WWOX: variants seen among roughly 807,000 people sequenced by gnomAD.
The protein encoded by WWOX is WW domain containing oxidoreductase.
WWOX carries 69 observed loss-of-function variants against 46.2 expected under a neutral mutation model. The observed-to-expected ratio is 1.49, with a 90% CI of 1.23 to 1.82. WWOX has a LOEUF of 1.82. WWOX is among the 40% of genes most tolerant of loss of function. The pLI is 0.00. For missense variants in WWOX, 919 were observed against 542.6 expected (o/e 1.69, Z -6.89); for synonymous variants, 359 against 202.6 (o/e 1.77, Z -6.56).
intron 8 of WWOX, among the ~76,000 whole-genome samples, chr16:78,934,500 C>G (rs1208917878): frequency 7.7e-6 from 1 of 130,600 alleles, no homozygotes; most frequent in Admixed American, 7.6e-5. Flanking sequence ...CAGTGCGAAA[C>G]CCTGTATCAA....
chr16:79,081,153 G>A (rs972145312), intron 8 of WWOX, among the ~76,000 whole-genome samples: 1 of 152,094 alleles, frequency 6.6e-6, no homozygotes, highest in Non-Finnish European at 1.5e-5. Context: ...GGAGTGTGGG[G>A]TGCTGAGAGA....
chr16:78,549,176 G>A (rs1332156309), intron 8 of WWOX, among the ~76,000 whole-genome samples: 1 of 152,164 alleles, frequency 6.6e-6, no homozygotes, highest in Non-Finnish European at 1.5e-5. Flanking sequence ...CGGTCGTAAA[G>A]GAGGGACAAT....
chr16:78,408,923 A>G (rs1416840725), intron 6 of WWOX, among the ~76,000 whole-genome samples: 1 of 149,068 alleles, frequency 6.7e-6, no homozygotes, highest in African/African-American at 2.6e-5. Context: ...AACAGAAAGT[A>G]CTGTGATTTA....
chr16:78,824,986 G>A (rs1366410548), intron 8 of WWOX, among the ~76,000 whole-genome samples: 5 of 152,140 alleles, frequency 3.3e-5, no homozygotes, highest in Admixed American at 2.0e-4. Flanking sequence ...GAAAATGGCA[G>A]CGTTATAGCC....
intron 4 of WWOX, among the ~76,000 whole-genome samples, chr16:78,154,789 C>T (rs1203637118): frequency 6.6e-6 from 1 of 152,148 alleles, no homozygotes; most frequent in Non-Finnish European, 1.5e-5. Flanking sequence ...AATAAAATCT[C>T]AACCAGATCA....
intron 8 of WWOX, among the ~76,000 whole-genome samples, chr16:78,676,649 T>C (rs2047606971): frequency 6.6e-6 from 1 of 152,170 alleles, no homozygotes; most frequent in Non-Finnish European, 1.5e-5. Context: ...TTCTGCATAT[T>C]TGCATATTAA....
At chr16:79,196,064 G>A (rs975565986) in intron 8 of WWOX, among the ~76,000 whole-genome samples, 1 of 152,182 alleles carries the variant, frequency 6.6e-6, no homozygotes, top group Non-Finnish European at 1.5e-5. Flanking sequence ...CTGTTTGCAT[G>A]TTCATTTGAG....
At chr16:78,400,674 G>T (rs896749808) in intron 6 of WWOX, among the ~76,000 whole-genome samples, 2 of 152,188 alleles carry the variant, frequency 1.3e-5, no homozygotes, top group African/African-American at 4.8e-5. Context: ...AGGGAACAGG[G>T]AAGGGAGGAC....
intron 8 of WWOX, among the ~76,000 whole-genome samples, chr16:78,758,937 CAAA>C (rs56184923): frequency 1.1e-5 from 1 of 90,154 alleles, no homozygotes; most frequent in Non-Finnish European, 2.6e-5. Context: ...CCACAAAAGA[CAAA>C]AAAAAAAAAA....
At chr16:78,678,908 A>G (rs2047665041) in intron 8 of WWOX, among the ~76,000 whole-genome samples, 1 of 152,172 alleles carries the variant, frequency 6.6e-6, no homozygotes, top group South Asian at 2.1e-4. Context: ...CCACCTACCC[A>G]GGCTGGCACC....
chr16:78,347,207 C>T (rs2081108206), intron 5 of WWOX, among the ~76,000 whole-genome samples: 1 of 116,698 alleles, frequency 8.6e-6, no homozygotes, highest in Non-Finnish European at 2.0e-5. Flanking sequence ...TCCCCCGCCC[C>T]CTCCATTCTC....
chr16:79,000,143 C>A (rs1159135962), intron 8 of WWOX, among the ~76,000 whole-genome samples: 2 of 152,184 alleles, frequency 1.3e-5, no homozygotes, highest in Non-Finnish European at 2.9e-5. Flanking sequence ...TGTCCAGACA[C>A]ATTTAACACC....
At chr16:78,710,754 G>A (rs879408056) in intron 8 of WWOX, among the ~76,000 whole-genome samples, 5 of 150,792 alleles carry the variant, frequency 3.3e-5, no homozygotes, top group Admixed American at 6.6e-5. Flanking sequence ...GGCTGGGACC[G>A]CAGGTTCATG....
intron 8 of WWOX, among the ~76,000 whole-genome samples, chr16:78,637,221 AGACCAGCCTGGGCAACATGGTGAACTCC>A (rs1208688504): frequency 2.6e-5 from 4 of 152,160 alleles, no homozygotes; most frequent in Admixed American, 6.5e-5. Flanking sequence ...CAGGAGTTTG[AGACCAGCCTGGGCAACATGGTGAACTCC>A]CCCCAACCAA....
chr16:78,529,971 G>T (rs549025770), intron 8 of WWOX, among the ~76,000 whole-genome samples: 22 of 152,184 alleles, frequency 1.4e-4, no homozygotes, highest in Non-Finnish European at 3.1e-4. Context: ...TGACCCCTTT[G>T]CAGGCAGGAA....
chr16:78,590,316 T>C (rs966604127), intron 8 of WWOX, among the ~76,000 whole-genome samples: 1 of 152,180 alleles, frequency 6.6e-6, no homozygotes, highest in Admixed American at 6.5e-5. Flanking sequence ...TGCTGTGTCC[T>C]TATTTGGTGG....
chr16:78,343,670 C>G lies in WWOX; in HGVS notation c.517-43190C>G, dbSNP rs951598525. 5.0e-5 allele frequency among the ~76,000 whole-genome samples: 6 copies of G among 120,984 alleles called. 1 individual carries two copies. The highest frequency in any genetic ancestry group is 9.9e-5 in the Non-Finnish European group (5 of 50,640). 79.4% of individuals were successfully genotyped at this position (120,984 alleles called of 152,430 possible). A position where few individuals can be genotyped will look rare whatever the true frequency, so the allele number is the denominator to read the frequency against. ...TATATTTCTGTAAATAGCACATGTG[C>G]TAGATAGCAGATTTGTGTATGGATA... is the stretch of plus-strand genomic sequence containing the variant. On this transcript the variant is annotated intron_variant, in intron 5 of 8. Coordinates refer to ENST00000566780, the MANE Select transcript of WWOX (RefSeq NM_016373.4).
intron 8 of WWOX, among the ~76,000 whole-genome samples, chr16:78,998,579 C>G (rs185336110): frequency 6.6e-6 from 1 of 152,032 alleles, no homozygotes; most frequent in African/African-American, 2.4e-5. Context: ...AGGAGTTAAT[C>G]GATGTAGTTA....
chr16:78,907,871 C>G (rs931260548), intron 8 of WWOX, among the ~76,000 whole-genome samples: 1 of 152,112 alleles, frequency 6.6e-6, no homozygotes, highest in Non-Finnish European at 1.5e-5. Context: ...AGTTCCAAAG[C>G]CCGTGGCATG....
Sources: allele counts gnomAD v4.1 joint callset (sites outside exome capture counted in the v4.1 genomes callset), GRCh38; gene constraint gnomAD v4.1.1; transcripts MANE v1.5; gene names NCBI Gene and HGNC (gene_info 2026-07-23, HGNC 2026-07-21).